Variants in SLC5A10 observed in about 807,000 individuals in gnomAD.
The protein encoded by SLC5A10 is solute carrier family 5 member 10, also known as sodium/mannose cotransporter SLC5A10.
SLC5A10 carries 55 observed loss-of-function variants against 68.9 expected under a neutral mutation model. That is an observed-to-expected ratio of 0.80 (90% CI 0.64 to 1.00). SLC5A10 has a LOEUF of 1.00. Among genes scored for constraint, SLC5A10 ranks in the 50% least tolerant of loss-of-function variants. The pLI is 0.00. For missense variants in SLC5A10, 732 were observed against 819.3 expected (o/e 0.89, Z 1.30); for synonymous variants, 344 against 344.8 (o/e 1.00, Z 0.02).
chr17:18,988,511 C>T (rs2043325824), intron 9 of SLC5A10: 2 of 1,554,322 alleles, frequency 1.3e-6, no homozygotes, highest in Non-Finnish European at 1.7e-6. Context: ...CCACCAGCCT[C>T]TCACAGGTGC....
At chr17:19,014,857 C>T (rs2062246923) in intron 10 of SLC5A10, among the ~76,000 whole-genome samples, 192 bp from the exon 11 acceptor site, 1 of 152,198 alleles carries the variant, frequency 6.6e-6, no homozygotes, top group Admixed American at 6.5e-5. Context: ...ACGGTTTGTC[C>T]TTGGCCTCCC....
In SLC5A10 at chr17:18,952,182, C is replaced by T. The variant is rs2042379026; in HGVS notation, c.-24C>T. 1.2e-6 allele frequency: 2 copies of T among 1,607,766 alleles called. No homozygotes were observed. Among genetic ancestry groups the T allele is most frequent in the African/African-American group, 1.3e-5 (1 of 74,874 alleles). On this transcript the variant is annotated 5_prime_UTR_variant, in exon 1 of 15. Transcript: ENST00000395645. Reference sequence around the variant, plus strand: ...TGCCCCTCAGTCCCTCGGGCTCATACCTAGTGCCTGCGGCAGGACAGCCAT... The same window carrying T: ...TGCCCCTCAGTCCCTCGGGCTCATATCTAGTGCCTGCGGCAGGACAGCCAT...
Position 18,959,231 on chromosome 17 carries a change from G to C in SLC5A10, c.280G>C (p.Glu94Gln). 6.2e-7 allele frequency: 1 copy of C among 1,613,062 alleles called. No homozygotes were observed. Among genetic ancestry groups the C allele is most frequent in the Non-Finnish European group, 8.5e-7 (1 of 1,179,994 alleles). The change falls in exon 3 of 15, where the codon GAG becomes CAG. Residue 94 changes from glutamate (E) to glutamine (Q), a missense_variant. Physicochemically the swap from Glu to Gln is conservative, Grantham distance 29. Transcript: ENST00000395645. ...AAGGLAVAGF[E>Q]WNATYVLLAL... ...AGGAGGTCTGGCCGTGGCAGGCTTC[G>C]AGTGGAATGTGAGTCCTGGAGGACT...
intron 5 of SLC5A10, among the ~76,000 whole-genome samples, chr17:18,964,885 G>A (rs1012083488): frequency 6.6e-6 from 1 of 152,198 alleles, no homozygotes; most frequent in Admixed American, 6.5e-5. Flanking sequence ...GCTCACACCT[G>A]TAATCCCAGC....
At chr17:19,015,511 C>T (rs2044121458) in intron 11 of SLC5A10, among the ~76,000 whole-genome samples, 1 of 152,220 alleles carries the variant, frequency 6.6e-6, no homozygotes, top group Non-Finnish European at 1.5e-5. Flanking sequence ...CCCCATTCCT[C>T]CTGATGGTTC....
At chr17:18,979,256 T>C (rs2152010759) in intron 9 of SLC5A10, 1 of 477,568 alleles carries the variant, frequency 2.1e-6, no homozygotes. Context: ...GCTGGCCCCA[T>C]CCCTAAGGAC....
chr17:19,008,482 G>A (rs1316284649), intron 9 of SLC5A10, among the ~76,000 whole-genome samples: 1 of 151,690 alleles, frequency 6.6e-6, no homozygotes, highest in Non-Finnish European at 1.5e-5. Context: ...TTTTTACAGA[G>A]GAGGAGACAG....
At chr17:19,013,244 C>G (rs1389002268) in intron 9 of SLC5A10, 166 bp from the exon 10 acceptor site, 1 of 1,062,294 alleles carries the variant, frequency 9.4e-7, no homozygotes, top group African/African-American at 1.7e-5. Context: ...AGGCCATGCC[C>G]TCCCTGTGGC....
At chr17:19,012,296 C>T (rs765898030) in intron 9 of SLC5A10, among the ~76,000 whole-genome samples, 4 of 152,212 alleles carry the variant, frequency 2.6e-5, no homozygotes, top group Admixed American at 1.3e-4. Flanking sequence ...GGAGGTAGGC[C>T]GGGGTTCTGC....
At chr17:18,981,595 G>A (rs943553525) in intron 9 of SLC5A10, among the ~76,000 whole-genome samples, 1 of 152,140 alleles carries the variant, frequency 6.6e-6, no homozygotes, top group Non-Finnish European at 1.5e-5. Flanking sequence ...AGTCCTTTCC[G>A]TGTCCCAGAC....
At chr17:19,007,189 C>T (rs796072459) in intron 9 of SLC5A10, among the ~76,000 whole-genome samples, 4 of 130,110 alleles carry the variant, frequency 3.1e-5, no homozygotes, top group African/African-American at 6.0e-5. Context: ...GTGGTGTTAC[C>T]GCTATTTTTT....
chr17:18,960,955 T>C (rs1023084087), intron 5 of SLC5A10, among the ~76,000 whole-genome samples: 1 of 152,080 alleles, frequency 6.6e-6, no homozygotes, highest in African/African-American at 2.4e-5. Context: ...CTGAGGTCAG[T>C]TCTGGGGCCG....
At chr17:18,956,633 C>T (rs143574128) in intron 1 of SLC5A10, among the ~76,000 whole-genome samples, 126 of 152,100 alleles carry the variant, frequency 8.3e-4, no homozygotes, top group African/African-American at 2.8e-3. Context: ...TGCACCACCA[C>T]GCCCAGCTAA....
intron 2 of SLC5A10, 113 bp downstream of exon 2, chr17:18,958,866 C>T (rs1325999311): frequency 1.6e-5 from 20 of 1,282,550 alleles, no homozygotes; most frequent in Admixed American, 1.2e-4. Flanking sequence ...TGGAGCAGGC[C>T]GGAGGCTGGC....
intron 9 of SLC5A10, 118 bp downstream of exon 9, chr17:18,977,107 T>C: frequency 7.2e-7 from 1 of 1,383,948 alleles, no homozygotes; most frequent in Non-Finnish European, 9.8e-7. Context: ...TTCCCCAACC[T>C]GGGGAGTGGG....
intron 9 of SLC5A10, among the ~76,000 whole-genome samples, chr17:19,011,147 G>T (rs62072662): frequency 6.6e-6 from 1 of 152,324 alleles, no homozygotes; most frequent in South Asian, 2.1e-4. Context: ...GGTGGGGAAG[G>T]TAGACTATGT....
chr17:18,989,604 G>C (rs534853249), intron 9 of SLC5A10, among the ~76,000 whole-genome samples: 3 of 152,352 alleles, frequency 2.0e-5, no homozygotes, highest in Admixed American at 2.0e-4. Flanking sequence ...TCTCTCAGGA[G>C]AATGGAGCAC....
chr17:18,988,865 C>T (rs1567798260), intron 9 of SLC5A10, among the ~76,000 whole-genome samples: 1 of 152,214 alleles, frequency 6.6e-6, no homozygotes, highest in African/African-American at 2.4e-5. Context: ...CAGGTGACCT[C>T]CTGCTGGACC....
chr17:18,963,409 G>T (rs1018784791), intron 5 of SLC5A10, among the ~76,000 whole-genome samples: 1 of 152,358 alleles, frequency 6.6e-6, no homozygotes, highest in East Asian at 1.9e-4. Flanking sequence ...TGTGATGGGG[G>T]TGATTCAGTT....
Sources: gnomAD v4.1 joint callset for allele counts (sites outside exome capture counted in the v4.1 genomes callset) on GRCh38, gnomAD v4.1.1 for gene constraint, MANE v1.5 for transcripts, NCBI Gene and HGNC (gene_info 2026-07-23, HGNC 2026-07-21) for gene names.